PLCB1: variants seen among roughly 807,000 people sequenced by gnomAD.
PLCB1 encodes the protein phospholipase C beta 1, also known as 1-phosphatidylinositol 4,5-bisphosphate phosphodiesterase beta-1.
In PLCB1, 46 loss-of-function variants were observed where a neutral mutation model predicts 161.8. The ratio of observed to expected loss-of-function variants is 0.28; its 90% CI spans 0.22 to 0.36. The LOEUF (loss-of-function observed/expected upper bound fraction) is 0.36. PLCB1 is among the 10% of genes least tolerant of loss of function. PLCB1 has a pLI of 1.00. For missense variants in PLCB1, 1,016 were observed against 1,472.5 expected (o/e 0.69, Z 5.07); for synonymous variants, 517 against 503.7 (o/e 1.03, Z -0.35).
At chr20:8,401,833 C>G (rs937271723) in intron 3 of PLCB1, among the ~76,000 whole-genome samples, 1 of 152,182 alleles carries the variant, frequency 6.6e-6, no homozygotes, top group Non-Finnish European at 1.5e-5. Flanking sequence ...CAGCCCAATT[C>G]AAGGAGGCTG....
chr20:8,509,323 G>A (rs906004295), intron 3 of PLCB1, among the ~76,000 whole-genome samples: 47 of 152,284 alleles, frequency 3.1e-4, no homozygotes, highest in East Asian at 5.8e-4. Context: ...ACAGGAGAGC[G>A]CATCCGAGCA....
chr20:8,545,981 T>C (rs979971142), intron 3 of PLCB1, among the ~76,000 whole-genome samples: 1 of 152,198 alleles, frequency 6.6e-6, no homozygotes, highest in South Asian at 2.1e-4. Flanking sequence ...GTTCTTTGTA[T>C]GCCATCATTG....
chr20:8,477,328 C>G (rs1568691069), intron 3 of PLCB1, among the ~76,000 whole-genome samples: 2 of 152,266 alleles, frequency 1.3e-5, no homozygotes, highest in East Asian at 3.9e-4. Flanking sequence ...CCTTTCCTAT[C>G]TAATCGTTTG....
intron 2 of PLCB1, among the ~76,000 whole-genome samples, chr20:8,370,440 A>G (rs1242864906): frequency 6.6e-6 from 1 of 152,090 alleles, no homozygotes; most frequent in Non-Finnish European, 1.5e-5. Context: ...GCACCTTTGC[A>G]GTTCTTCCCT....
chr20:8,284,252 C>T (rs1983008748), intron 2 of PLCB1, among the ~76,000 whole-genome samples: 2 of 152,122 alleles, frequency 1.3e-5, no homozygotes, highest in African/African-American at 2.4e-5. Context: ...TATATTTTAG[C>T]AATACTTTTG....
chr20:8,179,944 C>T (rs1403832735), intron 2 of PLCB1, among the ~76,000 whole-genome samples: 12 of 145,248 alleles, frequency 8.3e-5, no homozygotes, highest in East Asian at 4.1e-4. Context: ...CTGCAAGCTC[C>T]GCCTCCCGGG....
At chr20:8,463,818 C>T (rs1443765895) in intron 3 of PLCB1, among the ~76,000 whole-genome samples, 2 of 152,102 alleles carry the variant, frequency 1.3e-5, no homozygotes, top group Non-Finnish European at 2.9e-5. Context: ...TTAATTACAC[C>T]TTCCTAAACC....
chr20:8,299,411 GACAC>G (rs926200349), intron 2 of PLCB1, among the ~76,000 whole-genome samples: 1 of 151,758 alleles, frequency 6.6e-6, no homozygotes, highest in East Asian at 1.9e-4. Flanking sequence ...CACACACGTA[GACAC>G]ACACACAACT....
intron 25 of PLCB1, among the ~76,000 whole-genome samples, chr20:8,762,802 T>C (rs1982110620): frequency 6.6e-6 from 1 of 152,240 alleles, no homozygotes; most frequent in African/African-American, 2.4e-5. Context: ...GACCTTAACA[T>C]TTAATAACAT....
At chr20:8,181,265 A>G (rs1032202588) in intron 2 of PLCB1, among the ~76,000 whole-genome samples, 1 of 151,114 alleles carries the variant, frequency 6.6e-6, no homozygotes, top group African/African-American at 2.4e-5. Flanking sequence ...AAAAAAAAAA[A>G]AAAAGAATAA....
At chr20:8,553,671 G>C (rs2123000042) in intron 3 of PLCB1, among the ~76,000 whole-genome samples, 1 of 152,186 alleles carries the variant, frequency 6.6e-6, no homozygotes, top group Middle Eastern at 3.4e-3. Flanking sequence ...TCAAGCAAAT[G>C]AATACAGAAA....
intron 3 of PLCB1, among the ~76,000 whole-genome samples, chr20:8,558,928 C>T (rs976115410): frequency 2.0e-5 from 3 of 151,744 alleles, no homozygotes; most frequent in African/African-American, 7.3e-5. Flanking sequence ...ACCTGTCCTA[C>T]AAGAAATGGT....
intron 2 of PLCB1, among the ~76,000 whole-genome samples, chr20:8,296,599 G>A (rs914215145): frequency 6.6e-6 from 1 of 152,190 alleles, no homozygotes. Flanking sequence ...AAAAGAAGGA[G>A]CAGAGGGATG....
chr20:8,649,209 C>T (rs896342836), intron 6 of PLCB1, among the ~76,000 whole-genome samples, 165 bp from the exon 7 acceptor site: 4 of 152,120 alleles, frequency 2.6e-5, no homozygotes, highest in African/African-American at 9.7e-5. Flanking sequence ...GTTGATCTTT[C>T]AGAAGACAGA....
intron 3 of PLCB1, among the ~76,000 whole-genome samples, chr20:8,450,668 C>T (rs1981032554): frequency 6.6e-6 from 1 of 152,106 alleles, no homozygotes; most frequent in Admixed American, 6.5e-5. Context: ...AGCATGATCT[C>T]TTCTTAAGGA....
chr20:8,351,178 C>A (rs1353052370), intron 2 of PLCB1, among the ~76,000 whole-genome samples: 3 of 151,962 alleles, frequency 2.0e-5, no homozygotes, highest in African/African-American at 7.3e-5. Context: ...AGCAAGCCCC[C>A]ATATAGACCC....
At chr20:8,184,176 A>T (rs2051876426) in intron 2 of PLCB1, among the ~76,000 whole-genome samples, 1 of 152,212 alleles carries the variant, frequency 6.6e-6, no homozygotes, top group Non-Finnish European at 1.5e-5. Context: ...ATAGAAAGAT[A>T]ATGCATAAAT....
At chr20:8,473,568 TGTTA>T (rs1297817963) in intron 3 of PLCB1, among the ~76,000 whole-genome samples, 2 of 152,184 alleles carry the variant, frequency 1.3e-5, no homozygotes, top group African/African-American at 4.8e-5. Flanking sequence ...AATCCAGCCT[TGTTA>T]GTTATCATTT....
intron 3 of PLCB1, among the ~76,000 whole-genome samples, chr20:8,387,492 T>A (rs1987459014): frequency 6.6e-6 from 1 of 152,166 alleles, no homozygotes; most frequent in South Asian, 2.1e-4. Context: ...ACAATTACAA[T>A]GGTAATATCA....
Sources: allele counts gnomAD v4.1 joint callset (sites outside exome capture counted in the v4.1 genomes callset), GRCh38; gene constraint gnomAD v4.1.1; transcripts MANE v1.5; gene names NCBI Gene and HGNC (gene_info 2026-07-23, HGNC 2026-07-21).